CCDC85A: variants seen among roughly 807,000 people sequenced by gnomAD.
The protein encoded by CCDC85A is coiled-coil domain-containing protein 85A.
Under a neutral mutation model 50.2 loss-of-function variants are expected in CCDC85A, and 38 were observed. The observed-to-expected ratio is 0.76, with a 90% confidence interval of 0.58 to 0.99. The LOEUF is 0.99. Ranked by LOEUF, CCDC85A falls within the 50% of genes least tolerant of loss-of-function variation. The pLI is 0.00. For missense variants in CCDC85A, 820 were observed against 742.0 expected (o/e 1.11, Z -1.22); for synonymous variants, 366 against 301.4 (o/e 1.21, Z -2.22).
At chr2:56,276,579 G>T (rs1406481755) in intron 2 of CCDC85A, among the ~76,000 whole-genome samples, 1 of 152,030 alleles carries the variant, frequency 6.6e-6, no homozygotes, top group African/African-American at 2.4e-5. Flanking sequence ...TCTCTCTCTT[G>T]CCGCTGCCAC....
intron 2 of CCDC85A, among the ~76,000 whole-genome samples, chr2:56,328,827 A>C (rs745381024): frequency 3.3e-5 from 5 of 152,092 alleles, no homozygotes; most frequent in Admixed American, 6.6e-5. Flanking sequence ...GCTCATGCAC[A>C]ACCCACAGTC....
chr2:56,225,383 G>A (rs753833127), intron 2 of CCDC85A, among the ~76,000 whole-genome samples: 3 of 152,008 alleles, frequency 2.0e-5, no homozygotes, highest in Non-Finnish European at 4.4e-5. Flanking sequence ...CCGAGACTGC[G>A]CCACTGCATT....
At chr2:56,190,921 C>G (rs542620510) in intron 1 of CCDC85A, among the ~76,000 whole-genome samples, 1 of 152,234 alleles carries the variant, frequency 6.6e-6, no homozygotes, top group Non-Finnish European at 1.5e-5. Context: ...CTATCCTCAG[C>G]TCCCTAACAA....
At position 56,184,213 on chromosome 2, in the gene CCDC85A, G is replaced by A; in HGVS notation, c.-412G>A. Reference sequence around the variant, plus strand: ...AAGGGGGAGGAAAGTGCGTGTGCGTGCACGCCTGTGTGCAGGGCAGAGAGT... The same window carrying A: ...AAGGGGGAGGAAAGTGCGTGTGCGTACACGCCTGTGTGCAGGGCAGAGAGT... On this transcript the variant is annotated 5_prime_UTR_variant, in exon 1 of 6. Coordinates refer to ENST00000407595, the MANE Select transcript of CCDC85A (RefSeq NM_001080433.2). 2 of 981,698 alleles carry A rather than the reference G, an allele frequency of 2.0e-6. No homozygotes were observed. The highest frequency in any genetic ancestry group is 2.4e-6 in the Non-Finnish European group (2 of 823,770). 60.8% of individuals were successfully genotyped at this position (981,698 alleles called of 1,614,324 possible).
intron 2 of CCDC85A, among the ~76,000 whole-genome samples, chr2:56,288,580 A>C (rs998761229): frequency 6.6e-6 from 1 of 152,094 alleles, no homozygotes; most frequent in African/African-American, 2.4e-5. Flanking sequence ...TTTACCTTTA[A>C]TTTGGCATGA....
intron 2 of CCDC85A, among the ~76,000 whole-genome samples, chr2:56,228,572 C>T (rs1172925179): frequency 1.3e-5 from 2 of 151,444 alleles, no homozygotes; most frequent in African/African-American, 4.9e-5. Flanking sequence ...TCGCTCTGTC[C>T]CCCAGGCTGG....
chr2:56,332,031 C>T (rs62164365), intron 2 of CCDC85A, among the ~76,000 whole-genome samples: 5,799 of 152,318 alleles, frequency 0.038, 164 homozygotes, highest in Non-Finnish European at 0.064. Flanking sequence ...ACAGCTGTGC[C>T]TGCTCCTGCT....
At chr2:56,358,876 C>T (rs985113683) in intron 3 of CCDC85A, among the ~76,000 whole-genome samples, 5 of 151,972 alleles carry the variant, frequency 3.3e-5, no homozygotes, top group Non-Finnish European at 7.4e-5. Context: ...CCTCCACCTC[C>T]CAGGTTCAAG....
chr2:56,252,075 C>T (rs1252450700), intron 2 of CCDC85A, among the ~76,000 whole-genome samples: 1 of 147,942 alleles, frequency 6.8e-6, no homozygotes, highest in Non-Finnish European at 1.5e-5. Flanking sequence ...TTGAAATGGA[C>T]TCACACTGTC....
At chr2:56,303,644 T>A (rs536309454) in intron 2 of CCDC85A, among the ~76,000 whole-genome samples, 3 of 152,240 alleles carry the variant, frequency 2.0e-5, no homozygotes, top group East Asian at 1.9e-4. Flanking sequence ...ACTAAATAAT[T>A]ATTATTTTTT....
At chr2:56,313,909 G>C (rs765115181) in intron 2 of CCDC85A, among the ~76,000 whole-genome samples, 4 of 149,092 alleles carry the variant, frequency 2.7e-5, no homozygotes, top group Non-Finnish European at 4.4e-5. Context: ...GGCCTGGCCT[G>C]TTCAGGGAGC....
At chr2:56,322,548 C>T (rs1378103104) in intron 2 of CCDC85A, among the ~76,000 whole-genome samples, 1 of 152,182 alleles carries the variant, frequency 6.6e-6, no homozygotes, top group African/African-American at 2.4e-5. Flanking sequence ...AAAAAATGCT[C>T]ATCATCACGG....
At chr2:56,352,437 C>T (rs2104347835) in intron 3 of CCDC85A, among the ~76,000 whole-genome samples, 1 of 152,234 alleles carries the variant, frequency 6.6e-6, no homozygotes, top group East Asian at 1.9e-4. Flanking sequence ...TCTCCGCCTC[C>T]CTGGTTCGAG....
At chr2:56,217,610 C>G (rs911695972) in intron 2 of CCDC85A, among the ~76,000 whole-genome samples, 1 of 151,628 alleles carries the variant, frequency 6.6e-6, no homozygotes, top group African/African-American at 2.4e-5. Flanking sequence ...ATGTTGATGT[C>G]ATGTAAAAAG....
chr2:56,184,983 C>T, intron 1 of CCDC85A, 83 bp downstream of exon 1: 5 of 1,410,302 alleles, frequency 3.5e-6, no homozygotes, highest in Non-Finnish European at 4.6e-6. Flanking sequence ...CAAACTTTCC[C>T]TCCCTCCCTC....
At chr2:56,252,147 A>G (rs1450522086) in intron 2 of CCDC85A, among the ~76,000 whole-genome samples, 1 of 151,704 alleles carries the variant, frequency 6.6e-6, no homozygotes, top group African/African-American at 2.4e-5. Context: ...CCCAGGTTCA[A>G]GCGATTCTCC....
At chr2:56,233,202 G>A (rs1453436058) in intron 2 of CCDC85A, among the ~76,000 whole-genome samples, 1 of 152,176 alleles carries the variant, frequency 6.6e-6, no homozygotes, top group African/African-American at 2.4e-5. Context: ...ATTGGTTGGT[G>A]CACATTGATA....
At chr2:56,244,152 T>C (rs1669395441) in intron 2 of CCDC85A, among the ~76,000 whole-genome samples, 1 of 152,140 alleles carries the variant, frequency 6.6e-6, no homozygotes, top group Non-Finnish European at 1.5e-5. Flanking sequence ...GTCTTTCCCT[T>C]TAGGGCAGAA....
At chr2:56,204,476 T>G (rs1303179038) in intron 2 of CCDC85A, among the ~76,000 whole-genome samples, 2 of 152,172 alleles carry the variant, frequency 1.3e-5, no homozygotes, top group Non-Finnish European at 2.9e-5. Context: ...CAGTGTTAAC[T>G]CAGTTTTATT....
Sources: allele counts gnomAD v4.1 joint callset (sites outside exome capture counted in the v4.1 genomes callset), GRCh38; gene constraint gnomAD v4.1.1; transcripts MANE v1.5; gene names NCBI Gene and HGNC (gene_info 2026-07-23, HGNC 2026-07-21).